Variants in ARMC3 observed in about 807,000 individuals in gnomAD.
ARMC3 encodes the protein armadillo repeat containing 3, also known as armadillo repeat-containing protein 3.
ARMC3 carries 74 observed loss-of-function variants against 90.3 expected under a neutral mutation model. That is an observed-to-expected ratio of 0.82 (90% CI 0.68 to 0.99). The LOEUF is 0.99. ARMC3 is among the 50% of genes least tolerant of loss of function. The pLI is 0.00. For missense variants in ARMC3, 958 were observed against 1,042.8 expected, an observed-to-expected ratio of 0.92 and a Z score of 1.12; for synonymous variants, 334 against 361.8, an observed-to-expected ratio of 0.92 and a Z score of 0.87.
Position 22,955,763 on chromosome 10 carries a change from A to T in ARMC3, c.167-44A>T, listed in dbSNP as rs749675291. On this transcript the variant is annotated intron_variant, in intron 3 of 18. Transcript: ENST00000298032. Reference sequence around the variant, plus strand: ...TGGCACAAGGCAGAATGCTGATGAGATCGATAATATCCATGTGTGGTTTTG... The same window carrying T: ...TGGCACAAGGCAGAATGCTGATGAGTTCGATAATATCCATGTGTGGTTTTG... 7 of 1,608,942 alleles carry T rather than the reference A, an allele frequency of 4.4e-6. No individual in the cohort carries two copies. In the East Asian group the frequency reaches 1.6e-4, roughly 36 times the overall value.
intron 4 of ARMC3, 22 bp downstream of exon 4, chr10:22,955,954 T>C (rs1225235390): frequency 1.3e-6 from 2 of 1,546,632 alleles, no homozygotes; most frequent in African/African-American, 2.8e-5. Context: ...CTTTTAAAAA[T>C]AATCAAATAA....
intron 8 of ARMC3, among the ~76,000 whole-genome samples, chr10:22,978,043 C>T (rs1228057785): frequency 6.6e-6 from 1 of 152,206 alleles, no homozygotes; most frequent in African/African-American, 2.4e-5. Flanking sequence ...AAATCTTTGT[C>T]ATTGCCTAAT....
intron 16 of ARMC3, among the ~76,000 whole-genome samples, chr10:23,010,649 TTCCTC>T (rs1170990224): frequency 1.2e-4 from 15 of 123,360 alleles, no homozygotes; most frequent in South Asian, 3.3e-4. Context: ...CTCCTTCCCT[TTCCTC>T]TCCTCTCCTC....
chr10:23,000,349 C>T (rs1394961374), intron 11 of ARMC3, among the ~76,000 whole-genome samples: 1 of 152,158 alleles, frequency 6.6e-6, no homozygotes, highest in African/African-American at 2.4e-5. Context: ...GCTCTACCCT[C>T]CTGTCCCCCA....
intron 8 of ARMC3, among the ~76,000 whole-genome samples, chr10:22,975,533 C>T (rs1449518427): frequency 6.6e-6 from 1 of 152,114 alleles, no homozygotes; most frequent in Non-Finnish European, 1.5e-5. Context: ...CCATCGCACT[C>T]CAGCCTGGGC....
intron 1 of ARMC3, among the ~76,000 whole-genome samples, chr10:22,929,048 G>A (rs1833823521): frequency 6.6e-6 from 1 of 152,052 alleles, no homozygotes; most frequent in Non-Finnish European, 1.5e-5. Context: ...TCAATGTGGG[G>A]AAACCTGTCT....
At position 23,008,400 on chromosome 10, in the gene ARMC3, T is replaced by C. The variant is rs184514401; in HGVS notation, c.1928+26T>C. The C allele has an allele frequency of 5.1e-4, 614 of 1,202,496 alleles. 5 individuals are homozygous for C. In the African/African-American group the frequency reaches 7.9e-3, roughly 16 times the overall value. 74.5% of individuals were successfully genotyped at this position (1,202,496 alleles called of 1,614,324 possible). A position where few individuals can be genotyped will look rare whatever the true frequency, so the allele number is the denominator to read the frequency against. The stretch of plus-strand genomic sequence containing the variant: ...GTAAGAAAATGATGTTTTATCTGTA[T>C]GCAAACAGCTTCCCCTTTAATTTGA... On this transcript the variant is annotated intron_variant, in intron 15 of 18. Coordinates refer to ENST00000298032, the MANE Select transcript of ARMC3 (RefSeq NM_173081.5).
intron 4 of ARMC3, among the ~76,000 whole-genome samples, chr10:22,957,626 A>G (rs1027063513): frequency 6.6e-5 from 10 of 152,198 alleles, no homozygotes; most frequent in African/African-American, 2.4e-4. Context: ...ATATTAAATC[A>G]TTTAATCCTA....
At chr10:22,951,609 G>A (rs745315867) in intron 3 of ARMC3, among the ~76,000 whole-genome samples, 4 of 151,450 alleles carry the variant, frequency 2.6e-5, no homozygotes, top group Non-Finnish European at 4.4e-5. Flanking sequence ...AATCAATAAC[G>A]CAGAAAACTC....
chr10:22,954,489 C>G (rs1433950591), intron 3 of ARMC3, among the ~76,000 whole-genome samples: 1 of 150,626 alleles, frequency 6.6e-6, no homozygotes, highest in Non-Finnish European at 1.5e-5. Flanking sequence ...TAGTGAGACC[C>G]CATCTCTACA....
intron 4 of ARMC3, among the ~76,000 whole-genome samples, chr10:22,957,865 G>A (rs1008900186): frequency 2.8e-4 from 43 of 152,218 alleles, no homozygotes; most frequent in African/African-American, 9.9e-4. Context: ...TATTTCTTAT[G>A]TTTTATTCTA....
intron 2 of ARMC3, among the ~76,000 whole-genome samples, chr10:22,932,412 C>G (rs1326252729): frequency 2.0e-5 from 3 of 152,186 alleles, no homozygotes; most frequent in Non-Finnish European, 4.4e-5. Context: ...GGAAGTTCTG[C>G]TATAGCTATT....
At chr10:23,002,151 G>T (rs867071396) in intron 12 of ARMC3, 96 bp downstream of exon 12, 1 of 1,486,904 alleles carries the variant, frequency 6.7e-7, no homozygotes. Flanking sequence ...CCAAGTCTCC[G>T]CTGCTCTCTC....
chr10:22,973,935 T>A (rs1331117777), intron 8 of ARMC3, among the ~76,000 whole-genome samples: 2 of 151,918 alleles, frequency 1.3e-5, no homozygotes, highest in African/African-American at 4.8e-5. Flanking sequence ...ATTTTTTGTA[T>A]TTTTAGTAAA....
intron 16 of ARMC3, chr10:23,014,069 A>G (rs1174647918): frequency 1.0e-5 from 16 of 1,548,124 alleles, no homozygotes; most frequent in Non-Finnish European, 1.3e-5. Context: ...TACTGTCTTC[A>G]CTCTCCCTCT....
rs190912852 is a variant in ARMC3, at chr10:22,949,821, C to T, written c.166+3560C>T. 5.5e-4 allele frequency among the ~76,000 whole-genome samples: 83 copies of T among 151,996 alleles called. 1 individual carries two copies. The highest frequency in any genetic ancestry group is 3.7e-3 in the Admixed American group (56 of 15,270). ...GCCATAGTACATTATAATCAAATTG[C>T]TTAAAATCAGTGATAAAGAGAAAAT... On this transcript the variant is annotated intron_variant, in intron 3 of 18. Transcript: ENST00000298032.
At chr10:23,006,655 T>C (rs1439263842) in intron 13 of ARMC3, 1 of 459,766 alleles carries the variant, frequency 2.2e-6, no homozygotes, top group Non-Finnish European at 4.0e-6. Context: ...AACAGCCGAG[T>C]GTAAAGCAAT....
chr10:22,963,887 TCACA>T (rs1218675914), intron 7 of ARMC3, among the ~76,000 whole-genome samples: 7,616 of 32,502 alleles, frequency 0.23, 1,519 homozygotes, highest in East Asian at 0.52. Context: ...AGACTCTGTC[TCACA>T]CACACACACA....
intron 2 of ARMC3, among the ~76,000 whole-genome samples, chr10:22,932,622 T>C (rs1833975832): frequency 6.6e-6 from 1 of 152,190 alleles, no homozygotes; most frequent in African/African-American, 2.4e-5. Context: ...TATTGAAAGG[T>C]TGTGTTAAAA....
Sources: allele counts gnomAD v4.1 joint callset (sites outside exome capture counted in the v4.1 genomes callset), GRCh38; gene constraint gnomAD v4.1.1; transcripts MANE v1.5; gene names NCBI Gene and HGNC (gene_info 2026-07-23, HGNC 2026-07-21).